Variants in HSPA14 observed in about 807,000 individuals in gnomAD.
HSPA14 encodes heat shock 70 kDa protein 14.
HSPA14 carries 37 observed loss-of-function variants against 65.5 expected under a neutral mutation model. That is an observed-to-expected ratio of 0.56 (90% CI 0.43 to 0.74). The LOEUF (loss-of-function observed/expected upper bound fraction) is 0.74. Ranked by LOEUF, HSPA14 falls within the 30% of genes least tolerant of loss-of-function variation. HSPA14 has a pLI of 0.00. For missense variants in HSPA14, 564 were observed against 607.6 expected (o/e 0.93, Z 0.75); for synonymous variants, 203 against 214.2 (o/e 0.95, Z 0.46).
intron 10 of HSPA14, among the ~76,000 whole-genome samples, chr10:14,862,005 T>C (rs7086896): frequency 0.41 from 60,380 of 148,026 alleles, 14,318 homozygotes; most frequent in African/African-American, 0.66. Context: ...AGTGAGACTC[T>C]GTCTCAAAAA....
intron 5 of HSPA14, chr10:14,849,426 G>A (rs751300922): frequency 1.9e-5 from 10 of 537,070 alleles, no homozygotes; most frequent in Middle Eastern, 2.9e-4. Flanking sequence ...TCACATGGAT[G>A]CGTTAGGAGC....
intron 3 of HSPA14, among the ~76,000 whole-genome samples, chr10:14,840,371 G>A (rs1277424912): frequency 6.6e-6 from 1 of 152,098 alleles, no homozygotes. Context: ...TTAGTTTCTT[G>A]CTGACAGGTC....
In HSPA14 at chr10:14,842,800, AGAAACCAGT is replaced by A. The variant is rs748447208; in HGVS notation, c.221+2646_221+2654del. The A allele has an allele frequency of 2.2e-4, 339 of 1,536,328 alleles. 1 individual carries two copies. The African/African-American group carries it at 4.2e-3, about 19-fold the overall frequency. ...AGCTAAGAATCAGTGACCGGATACGAGAAACCAGTGACCTTGAGGACTCCTGGGATGAAT... is the reference window on the plus strand; with the variant it reads ...AGCTAAGAATCAGTGACCGGATACGAGACCTTGAGGACTCCTGGGATGAAT... On this transcript the variant is annotated intron_variant, in intron 3 of 13. Coordinates refer to ENST00000378372, the MANE Select transcript of HSPA14 (RefSeq NM_016299.4). The surrounding 1 kb of genome is among the most constrained non-coding windows in gnomAD (Gnocchi z 5.2).
chr10:14,865,194 T>C (rs1250094188), intron 10 of HSPA14, among the ~76,000 whole-genome samples: 1 of 152,258 alleles, frequency 6.6e-6, no homozygotes, highest in Non-Finnish European at 1.5e-5. Flanking sequence ...GTAAATTTGT[T>C]TGAGTTCTTT....
rs766191095 is a variant in HSPA14, at chr10:14,867,816, A to G, written c.1287A>G (p.Thr429=). 4.3e-6 allele frequency: 7 copies of G among 1,614,070 alleles called. No homozygotes were observed. Among genetic ancestry groups the G allele is most frequent in the African/African-American group, 1.3e-5 (1 of 74,934 alleles). The change falls in exon 12 of 14, where the codon ACA becomes ACG. Residue 429 remains threonine (T), a synonymous_variant. Transcript: ENST00000378372. The part of the protein sequence containing the change: ...GTPLPARRQH[T]LQAPGSISSV... ...CTTTGCCAGCTCGAAGACAACACAC[A>G]TTGCAAGCCCCTGGAAGCATATCTT...
rs1406405065 is a variant in HSPA14 at position 14,842,173 on chromosome 10, T to A, written c.221+2016T>A. The stretch of plus-strand genomic sequence containing the variant: ...CTTGGACCTGGCTTCTCAGCAATTA[T>A]CCCTGAGAGGGAAGATCCTGGAGAT... On this transcript the variant is annotated intron_variant, in intron 3 of 13. Transcript: ENST00000378372. This position sits in a 1 kb window ranked among gnomAD's most constrained non-coding sequence, Gnocchi z 5.2. 2.6e-6 allele frequency: 4 copies of A among 1,534,998 alleles called. No homozygotes were observed. Among genetic ancestry groups the A allele is most frequent in the Non-Finnish European group, 3.5e-6 (4 of 1,146,830 alleles).
chr10:14,859,837 T>C (rs948616966), intron 10 of HSPA14, among the ~76,000 whole-genome samples: 2 of 152,250 alleles, frequency 1.3e-5, no homozygotes, highest in Non-Finnish European at 2.9e-5. Flanking sequence ...ATTGTTAACA[T>C]TGCAATTTTA....
chr10:14,864,502 C>T (rs1335322570), intron 10 of HSPA14, among the ~76,000 whole-genome samples: 1 of 150,958 alleles, frequency 6.6e-6, no homozygotes. Flanking sequence ...CCACAACAGG[C>T]CCCGGTGTGT....
intron 10 of HSPA14, 95 bp downstream of exon 10, chr10:14,856,038 AT>A: frequency 1.4e-6 from 1 of 707,996 alleles, no homozygotes. Flanking sequence ...ATTTTAATGC[AT>A]TTAAGAATTT....
chr10:14,847,853 T>C (rs1834073771), intron 3 of HSPA14, among the ~76,000 whole-genome samples: 1 of 152,208 alleles, frequency 6.6e-6, no homozygotes, highest in Admixed American at 6.5e-5. Flanking sequence ...ACAGAAGAAC[T>C]GTGATCATTT....
At chr10:14,869,230 T>C (rs911364404) in intron 12 of HSPA14, among the ~76,000 whole-genome samples, 7 of 134,342 alleles carry the variant, frequency 5.2e-5, no homozygotes, top group Admixed American at 1.5e-4. Flanking sequence ...TGTGTACGTG[T>C]ACGTGTGTGT....
At chr10:14,865,979 CT>C (rs1386137311) in intron 10 of HSPA14, among the ~76,000 whole-genome samples, 26 of 152,188 alleles carry the variant, frequency 1.7e-4, no homozygotes, top group Non-Finnish European at 2.8e-4. Flanking sequence ...TTTCTATCCT[CT>C]TTTATTTTGT....
Position 14,842,309 on chromosome 10 carries a change from G to A in HSPA14, c.221+2152G>A, listed in dbSNP as rs138875597. On this transcript the variant is annotated intron_variant, in intron 3 of 13. Coordinates refer to ENST00000378372, the MANE Select transcript of HSPA14 (RefSeq NM_016299.4). The surrounding 1 kb of genome is among the most constrained non-coding windows in gnomAD (Gnocchi z 5.2). ...AATGGCCAGTGCCAATAGCAGTGCG[G>A]GCATCCGGTGGTCCAGACAGGAGAC... The A allele has an allele frequency of 6.5e-7, 1 of 1,535,946 alleles. No individual in the cohort carries two copies. The highest frequency in any genetic ancestry group is 8.7e-7 in the Non-Finnish European group (1 of 1,146,774).
rs1026413972 is a variant in HSPA14, at chr10:14,845,113, C to T, written c.222-3496C>T. 5 of 985,284 alleles carry T rather than the reference C, an allele frequency of 5.1e-6. No homozygotes were observed. The African/African-American group carries it at 8.7e-5, about 17-fold the overall frequency. 61.0% of individuals were successfully genotyped at this position (985,284 alleles called of 1,614,324 possible). On this transcript the variant is annotated intron_variant, in intron 3 of 13. Coordinates refer to ENST00000378372, the MANE Select transcript of HSPA14 (RefSeq NM_016299.4). The stretch of plus-strand genomic sequence containing the variant: ...AAGCACTAGCCGTGAACAGATGAGC[C>T]TCCTCCACACCCCAGACACACACTG...
chr10:14,846,664 C>T (rs908413907), intron 3 of HSPA14: 37 of 940,272 alleles, frequency 3.9e-5, no homozygotes, highest in Non-Finnish European at 4.4e-5. Flanking sequence ...TCCTACCTAC[C>T]TCACAGGGGT....
chr10:14,856,167 T>C (rs1832691416), intron 10 of HSPA14, among the ~76,000 whole-genome samples: 1 of 152,224 alleles, frequency 6.6e-6, no homozygotes, highest in South Asian at 2.1e-4. Context: ...TTCCAGTATA[T>C]TTTTTATCTG....
At chr10:14,848,679 C>T in intron 4 of HSPA14, 22 bp downstream of exon 4, 3 of 1,593,380 alleles carry the variant, frequency 1.9e-6, no homozygotes, top group Non-Finnish European at 2.6e-6. Context: ...TCTGTTATTG[C>T]TTCCCTGTTA....
At position 14,868,089 on chromosome 10, in the gene HSPA14, GA is replaced by G. The variant is rs1261594625; in HGVS notation, c.1380+186del. 2.6e-5 allele frequency among the ~76,000 whole-genome samples: 4 copies of G among 152,076 alleles called. No homozygotes were observed. In the East Asian group the frequency reaches 7.7e-4, roughly 29 times the overall value. On this transcript the variant is annotated intron_variant, in intron 12 of 13. Transcript: ENST00000378372. ...CCTGTGTACTCATTTTTGAAAGAGGGAAAAAATAGGCAGTTCTAATTTGAAA... is the reference window on the plus strand; with the variant it reads ...CCTGTGTACTCATTTTTGAAAGAGGGAAAAATAGGCAGTTCTAATTTGAAA...
intron 3 of HSPA14, chr10:14,844,032 T>C (rs1834011481): frequency 2.1e-6 from 3 of 1,443,222 alleles, no homozygotes; most frequent in Non-Finnish European, 2.7e-6. Flanking sequence ...AGTATGAAAA[T>C]AATTGCTAGT....
Sources: gnomAD v4.1 joint callset for allele counts (sites outside exome capture counted in the v4.1 genomes callset) on GRCh38, gnomAD v4.1.1 for gene constraint, Gnocchi (gnomAD v3.1) non-coding constraint, MANE v1.5 for transcripts, NCBI Gene and HGNC (gene_info 2026-07-23, HGNC 2026-07-21) for gene names.